CNTN5: variants seen among roughly 807,000 people sequenced by gnomAD.
CNTN5 encodes contactin-5.
Under a neutral mutation model 129.1 loss-of-function variants are expected in CNTN5, and 77 were observed. The observed-to-expected ratio is 0.60, with a 90% CI of 0.50 to 0.72. The LOEUF (loss-of-function observed/expected upper bound fraction) is 0.72, where lower values mean the gene tolerates loss of function less well. Among genes scored for constraint, CNTN5 ranks in the 30% least tolerant of loss-of-function variants. The probability of loss-of-function intolerance (pLI) is 0.00; values close to 1 mark genes in which losing one functional copy is unlikely to be tolerated. For synonymous variants in CNTN5, 509 were observed against 465.6 expected, an observed-to-expected ratio of 1.09 and a Z score of -1.20; for missense variants, 1,478 against 1,328.8, an observed-to-expected ratio of 1.11 and a Z score of -1.75.
intron 2 of CNTN5, among the ~76,000 whole-genome samples, chr11:99,551,201 A>T (rs1329846647): frequency 1.3e-5 from 2 of 152,162 alleles, no homozygotes; most frequent in Non-Finnish European, 2.9e-5. Context: ...GAATCTTTAT[A>T]ATCATAAAAA....
intron 9 of CNTN5, among the ~76,000 whole-genome samples, chr11:100,011,535 C>T (rs138163049): frequency 3.9e-5 from 6 of 152,188 alleles, no homozygotes; most frequent in East Asian, 1.9e-4. Context: ...AGGCCTTGAA[C>T]CTGTTACTGT....
intron 1 of CNTN5, among the ~76,000 whole-genome samples, chr11:99,243,928 G>A (rs913064935): frequency 1.3e-5 from 2 of 151,824 alleles, no homozygotes; most frequent in Admixed American, 6.6e-5. Flanking sequence ...TTTTTGCTAA[G>A]GGTCACTTTG....
chr11:99,021,509 A>G (rs1032339957), intron 1 of CNTN5, among the ~76,000 whole-genome samples: 5 of 152,228 alleles, frequency 3.3e-5, no homozygotes, highest in Non-Finnish European at 7.3e-5. Context: ...ACCTATTTGT[A>G]TATCTCCTAA....
At chr11:99,704,039 A>C (rs955595912) in intron 3 of CNTN5, among the ~76,000 whole-genome samples, 1 of 149,824 alleles carries the variant, frequency 6.7e-6, no homozygotes, top group African/African-American at 2.4e-5. Flanking sequence ...AAATAATTAT[A>C]TGTGTGTATA....
intron 2 of CNTN5, among the ~76,000 whole-genome samples, chr11:99,440,236 A>T (rs1249851702): frequency 6.6e-6 from 1 of 152,116 alleles, no homozygotes; most frequent in Non-Finnish European, 1.5e-5. Context: ...TTATTGGGAT[A>T]CTGCTGAGTT....
At chr11:100,282,361 T>C (rs1323941062) in intron 18 of CNTN5, among the ~76,000 whole-genome samples, 1 of 152,230 alleles carries the variant, frequency 6.6e-6, no homozygotes, top group Non-Finnish European at 1.5e-5. Flanking sequence ...CTTGATAATC[T>C]TGAAGAAGGT....
chr11:99,382,580 T>C (rs1940636488), intron 2 of CNTN5, among the ~76,000 whole-genome samples: 1 of 152,194 alleles, frequency 6.6e-6, no homozygotes, highest in Non-Finnish European at 1.5e-5. Context: ...ACGAGACTTA[T>C]TTGTTCTTTT....
chr11:99,530,609 C>G (rs1023045743), intron 2 of CNTN5, among the ~76,000 whole-genome samples: 2 of 152,132 alleles, frequency 1.3e-5, no homozygotes, highest in African/African-American at 2.4e-5. Context: ...TGGCTGTGTC[C>G]CCACCCAAAT....
chr11:100,253,640 C>G (rs1176343993), intron 16 of CNTN5, among the ~76,000 whole-genome samples: 1 of 152,116 alleles, frequency 6.6e-6, no homozygotes, highest in African/African-American at 2.4e-5. Flanking sequence ...AGATGCTCCT[C>G]TACATTCCTG....
chr11:99,319,920 A>G (rs1196238487), intron 1 of CNTN5, among the ~76,000 whole-genome samples: 1 of 152,134 alleles, frequency 6.6e-6, no homozygotes, highest in Non-Finnish European at 1.5e-5. Flanking sequence ...AATAAACATG[A>G]TTTGATAAAT....
chr11:99,730,134 C>T (rs1013738312), intron 3 of CNTN5, among the ~76,000 whole-genome samples: 1 of 152,158 alleles, frequency 6.6e-6, no homozygotes, highest in Non-Finnish European at 1.5e-5. Context: ...ACATACCTGC[C>T]ATCCAGTACT....
At chr11:99,892,751 C>CAGGTAG (rs1310389982) in intron 6 of CNTN5, among the ~76,000 whole-genome samples, 1 of 152,084 alleles carries the variant, frequency 6.6e-6, no homozygotes, top group Non-Finnish European at 1.5e-5. Context: ...AGTTTAAAGT[C>CAGGTAG]AGGTAGCCTT....
chr11:99,123,669 TA>T (rs1565335942), intron 1 of CNTN5, among the ~76,000 whole-genome samples: 2 of 146,198 alleles, frequency 1.4e-5, no homozygotes, highest in Non-Finnish European at 3.0e-5. Flanking sequence ...TTTTTTTTTT[TA>T]TAGTTTTAGG....
rs371996584 is a variant in CNTN5, at chr11:99,430,839, A to C, written c.-71+105355A>C. On this transcript the variant is annotated intron_variant, in intron 2 of 24. Coordinates refer to ENST00000524871, the MANE Select transcript of CNTN5 (RefSeq NM_014361.4). Reference sequence around the variant, plus strand: ...ACCAAACCCAGGCTGCCTTAGTGAAAAGGGCAGAATCTTATCTACCGAACT... The same window carrying C: ...ACCAAACCCAGGCTGCCTTAGTGAACAGGGCAGAATCTTATCTACCGAACT... Among the ~76,000 whole-genome samples the C allele has an allele frequency of 1.1e-4, 16 of 152,186 alleles. No homozygotes were observed. The East Asian group carries it at 2.7e-3, about 26-fold the overall frequency.
At chr11:100,160,108 T>C (rs1947394308) in intron 13 of CNTN5, among the ~76,000 whole-genome samples, 1 of 151,914 alleles carries the variant, frequency 6.6e-6, no homozygotes, top group Admixed American at 6.6e-5. Context: ...TATGTGATGT[T>C]CCCCTCTCTG....
rs199867715 is a variant in CNTN5 at position 99,844,898 on chromosome 11, T to G, written c.324T>G (p.Ile108Met). The G allele has an allele frequency of 6.2e-7, 1 of 1,613,726 alleles. No individual in the cohort carries two copies. The highest frequency in any genetic ancestry group is 8.5e-7 in the Non-Finnish European group (1 of 1,179,682). ...GPVFVQEPDD[I>M]IFPTDSDEKK... ...TTTTTGTGCAAGAACCAGATGATATTATTTTTCCAACTGATTCTGATGAAA... is the reference window on the plus strand; with the variant it reads ...TTTTTGTGCAAGAACCAGATGATATGATTTTTCCAACTGATTCTGATGAAA... Residue 108 changes from isoleucine to methionine, a missense_variant, in exon 5 of 25, where the codon ATT becomes ATG. Ile to Met is a conservative substitution (Grantham distance 10, BLOSUM62 1). Coordinates refer to ENST00000524871, the MANE Select transcript of CNTN5 (RefSeq NM_014361.4).
chr11:99,348,489 C>A (rs971473853), intron 2 of CNTN5, among the ~76,000 whole-genome samples: 1 of 152,056 alleles, frequency 6.6e-6, no homozygotes, highest in Non-Finnish European at 1.5e-5. Context: ...AGGTTAAGTT[C>A]GGTAATCTGG....
At chr11:100,000,496 G>T (rs199636220) in intron 8 of CNTN5, among the ~76,000 whole-genome samples, 1 of 152,188 alleles carries the variant, frequency 6.6e-6, no homozygotes, top group East Asian at 1.9e-4. Flanking sequence ...GTTCTGCAGG[G>T]CACAGCACCT....
intron 6 of CNTN5, among the ~76,000 whole-genome samples, chr11:99,915,584 A>C (rs1032736716): frequency 2.5e-4 from 38 of 152,160 alleles, no homozygotes; most frequent in Admixed American, 2.6e-4. Context: ...TTGTTAGAGC[A>C]TACAAGCCTC....
Sources: allele counts gnomAD v4.1 joint callset (sites outside exome capture counted in the v4.1 genomes callset), GRCh38; gene constraint gnomAD v4.1.1; transcripts MANE v1.5; gene names NCBI Gene and HGNC (gene_info 2026-07-23, HGNC 2026-07-21).